Variants in PTGR2 observed in about 807,000 individuals in gnomAD.
PTGR2 encodes 15-oxoprostaglandin 13-reductase.
In PTGR2, 32 loss-of-function variants were observed where a neutral mutation model predicts 43.4. The ratio of observed to expected loss-of-function variants is 0.74; its 90% CI spans 0.56 to 0.99. The LOEUF (loss-of-function observed/expected upper bound fraction) is 0.99. PTGR2 is among the 50% of genes least tolerant of loss of function. The probability of loss-of-function intolerance (pLI) is 0.00; values close to 1 mark genes in which losing one functional copy is unlikely to be tolerated. For missense variants in PTGR2, 373 were observed against 420.0 expected (o/e 0.89, Z 0.98); for synonymous variants, 106 against 139.2 (o/e 0.76, Z 1.68).
intron 9 of PTGR2, among the ~76,000 whole-genome samples, chr14:73,882,800 C>CCTTTT (rs2055023189): frequency 2.4e-5 from 1 of 41,826 alleles, no homozygotes; most frequent in East Asian, 5.7e-4. Flanking sequence ...ACGCCTGGCC[C>CCTTTT]TTTTTTTTTT....
intron 3 of PTGR2, among the ~76,000 whole-genome samples, chr14:73,865,285 G>A (rs138581153): frequency 6.6e-6 from 1 of 152,322 alleles, no homozygotes; most frequent in African/African-American, 2.4e-5. Flanking sequence ...TGCAGTCTCA[G>A]AGTACAAAGG....
At chr14:73,857,059 C>T (rs536938678) in intron 1 of PTGR2, among the ~76,000 whole-genome samples, 1 of 150,234 alleles carries the variant, frequency 6.7e-6, no homozygotes, top group Admixed American at 6.6e-5. Context: ...ATCACTTGAG[C>T]CCAGGAATTC....
chr14:73,865,260 C>G (rs2054575682), intron 3 of PTGR2, among the ~76,000 whole-genome samples: 2 of 152,054 alleles, frequency 1.3e-5, no homozygotes, highest in Non-Finnish European at 2.9e-5. Context: ...GCCTGAGAGC[C>G]CAGGAAGCCA....
chr14:73,875,002 G>A (rs1332668778), intron 4 of PTGR2, among the ~76,000 whole-genome samples: 5 of 152,082 alleles, frequency 3.3e-5, no homozygotes, highest in South Asian at 2.1e-4. Flanking sequence ...GGGATTATAG[G>A]TGTGCACCAC....
chr14:73,883,195 T>A, intron 9 of PTGR2, among the ~76,000 whole-genome samples: 1 of 37,448 alleles, frequency 2.7e-5, no homozygotes, highest in African/African-American at 9.4e-5. Context: ...TCCCTTTTTT[T>A]TTTTTTTTTT....
chr14:73,869,589 A>T (rs1408715620), intron 3 of PTGR2, among the ~76,000 whole-genome samples: 1 of 150,960 alleles, frequency 6.6e-6, no homozygotes, highest in East Asian at 2.0e-4. Context: ...AAAAAAAAAA[A>T]GTTTATGAAA....
At position 73,874,887 on chromosome 14, in the gene PTGR2, G is replaced by A. The variant is rs564577210; in HGVS notation, c.348+673G>A. Among the ~76,000 whole-genome samples, 3 of 152,258 alleles carry A rather than the reference G, an allele frequency of 2.0e-5. No homozygotes were observed. The East Asian group carries it at 5.8e-4, about 29-fold the overall frequency. ...GTCTGCTAATGACTTTATTTATTTA[G>A]AGACGGCGTCTCACTCTGTCACCCA... On this transcript the variant is annotated intron_variant, in intron 4 of 9. Coordinates refer to ENST00000555661, the MANE Select transcript of PTGR2 (RefSeq NM_001146154.2).
intron 5 of PTGR2, 99 bp from the exon 6 acceptor site, chr14:73,878,997 T>A: frequency 1.0e-6 from 1 of 957,506 alleles, no homozygotes; most frequent in Non-Finnish European, 1.6e-6. Context: ...TTAATTGTAA[T>A]GAACACTGTC....
intron 3 of PTGR2, among the ~76,000 whole-genome samples, chr14:73,870,032 GAAA>G (rs779998739): frequency 7.0e-6 from 1 of 143,470 alleles, no homozygotes; most frequent in Non-Finnish European, 1.5e-5. Flanking sequence ...GTCTCAGAGA[GAAA>G]AAAAAAAAAG....
At chr14:73,874,714 C>A in intron 4 of PTGR2, 1 of 383,170 alleles carries the variant, frequency 2.6e-6, no homozygotes. Context: ...AGGAATGGGG[C>A]TTGAGGTTTT....
intron 8 of PTGR2, 108 bp downstream of exon 8, chr14:73,881,400 A>G (rs1378796033): frequency 1.5e-6 from 1 of 657,778 alleles, no homozygotes; most frequent in Non-Finnish European, 2.6e-6. Flanking sequence ...AAAAATTCCT[A>G]CAAAAGAAAA....
intron 3 of PTGR2, among the ~76,000 whole-genome samples, chr14:73,871,422 A>G (rs1200223285): frequency 9.3e-6 from 1 of 107,088 alleles, no homozygotes; most frequent in Admixed American, 1.1e-4. Context: ...TTATTTGGCT[A>G]TTCATCTATA....
At chr14:73,871,860 G>A (rs1412502078) in intron 3 of PTGR2, among the ~76,000 whole-genome samples, 3 of 152,090 alleles carry the variant, frequency 2.0e-5, no homozygotes, top group Non-Finnish European at 2.9e-5. Flanking sequence ...CCTACTAGCT[G>A]TGTTTAAGTG....
chr14:73,866,860 G>A (rs1290308486), intron 3 of PTGR2, among the ~76,000 whole-genome samples: 1 of 151,830 alleles, frequency 6.6e-6, no homozygotes, highest in African/African-American at 2.4e-5. Context: ...AGGCTGAGGC[G>A]GGCAGATCAC....
In PTGR2 at chr14:73,860,532, A is replaced by G. The variant is rs376658630; in HGVS notation, c.38-7A>G. On this transcript the variant is annotated splice_polypyrimidine_tract_variant and splice_region_variant and intron_variant, in intron 2 of 9. Coordinates refer to ENST00000555661, the MANE Select transcript of PTGR2 (RefSeq NM_001146154.2). Reference sequence around the variant, plus strand: ...TTTTAACTTTATATTTTTGCATAATATTTTAGGAAAAAATGGTAATCCAGT... The same window carrying G: ...TTTTAACTTTATATTTTTGCATAATGTTTTAGGAAAAAATGGTAATCCAGT... 7.8e-6 allele frequency: 11 copies of G among 1,408,020 alleles called. No individual in the cohort carries two copies. The highest frequency in any genetic ancestry group is 8.9e-6 in the Non-Finnish European group (9 of 1,009,954). The allele number at this position is 1,408,020 out of a possible 1,614,324, so 87.2% of individuals were successfully genotyped here.
intron 1 of PTGR2, among the ~76,000 whole-genome samples, chr14:73,856,063 A>G (rs2054338868): frequency 6.6e-6 from 1 of 151,338 alleles, no homozygotes; most frequent in South Asian, 2.1e-4. Context: ...TTCAAAAAAA[A>G]AAGAAAGAAA....
intron 4 of PTGR2, among the ~76,000 whole-genome samples, chr14:73,875,439 GGGTTCA>G (rs1257998197): frequency 2.0e-5 from 3 of 151,914 alleles, no homozygotes; most frequent in Admixed American, 6.6e-5. Flanking sequence ...TCTGCCACCT[GGGTTCA>G]AGCGATTCTC....
At chr14:73,862,372 T>C (rs1369456890) in intron 3 of PTGR2, among the ~76,000 whole-genome samples, 6 of 152,022 alleles carry the variant, frequency 3.9e-5, no homozygotes, top group Non-Finnish European at 7.4e-5. Context: ...CACGCCCGGC[T>C]AATTTTTTGT....
intron 3 of PTGR2, among the ~76,000 whole-genome samples, chr14:73,872,715 C>T (rs1013037219): frequency 4.6e-5 from 7 of 151,998 alleles, no homozygotes; most frequent in Admixed American, 6.6e-5. Flanking sequence ...TGGTGGCTCA[C>T]GCCTGTAATC....
Sources: gnomAD v4.1 joint callset for allele counts (sites outside exome capture counted in the v4.1 genomes callset) on GRCh38, gnomAD v4.1.1 for gene constraint, MANE v1.5 for transcripts, NCBI Gene and HGNC (gene_info 2026-07-23, HGNC 2026-07-21) for gene names.